Variants in AGBL4 observed in about 807,000 individuals in gnomAD.
AGBL4 encodes AGBL carboxypeptidase 4, also known as cytosolic carboxypeptidase 6.
AGBL4 carries 58 observed loss-of-function variants against 66.4 expected under a neutral mutation model. That is an observed-to-expected ratio of 0.87 (90% confidence interval 0.71 to 1.09). AGBL4 has a LOEUF of 1.09. Among genes scored for constraint, AGBL4 ranks in the 50% least tolerant of loss-of-function variants. The pLI is 0.00. For missense variants in AGBL4, 579 were observed against 631.0 expected (o/e 0.92, Z 0.88); for synonymous variants, 234 against 222.9 (o/e 1.05, Z -0.44).
chr1:48,702,249 G>T (rs986353682), intron 6 of AGBL4, among the ~76,000 whole-genome samples: 2 of 151,820 alleles, frequency 1.3e-5, no homozygotes, highest in Non-Finnish European at 2.9e-5. Context: ...CCCTCTCCCT[G>T]GCCCTATGTT....
At chr1:50,011,707 G>A (rs1661547184) in intron 1 of AGBL4, among the ~76,000 whole-genome samples, 1 of 152,170 alleles carries the variant, frequency 6.6e-6, no homozygotes, top group Admixed American at 6.6e-5. Flanking sequence ...AGCTAAAAAA[G>A]AATGAGATCC....
intron 4 of AGBL4, among the ~76,000 whole-genome samples, chr1:49,229,473 C>G (rs556784502): frequency 6.6e-6 from 1 of 152,220 alleles, no homozygotes; most frequent in Non-Finnish European, 1.5e-5. Flanking sequence ...AAAGAAACAA[C>G]TGGGAGCAAG....
intron 6 of AGBL4, among the ~76,000 whole-genome samples, chr1:48,749,511 G>T (rs892342238): frequency 6.6e-6 from 1 of 152,138 alleles, no homozygotes; most frequent in Admixed American, 6.5e-5. Context: ...TCAAACTCAG[G>T]GTTGTCAGAT....
chr1:49,621,313 T>C (rs890311484), intron 3 of AGBL4, among the ~76,000 whole-genome samples: 4 of 152,190 alleles, frequency 2.6e-5, no homozygotes, highest in Admixed American at 2.6e-4. Flanking sequence ...CTGTGTCCGG[T>C]TTCCATTGGC....
intron 1 of AGBL4, among the ~76,000 whole-genome samples, chr1:49,949,202 A>C (rs552870875): frequency 6.6e-6 from 1 of 151,950 alleles, no homozygotes; most frequent in East Asian, 1.9e-4. Flanking sequence ...CTCTCATCTT[A>C]TACAAAAATC....
chr1:49,267,315 T>C (rs759951712), intron 3 of AGBL4, among the ~76,000 whole-genome samples: 1 of 152,172 alleles, frequency 6.6e-6, no homozygotes, highest in Admixed American at 6.5e-5. Context: ...ACATCTTTTG[T>C]AACTGCAAAG....
chr1:49,926,570 C>G (rs989046918), intron 1 of AGBL4, among the ~76,000 whole-genome samples: 1 of 152,138 alleles, frequency 6.6e-6, no homozygotes, highest in Non-Finnish European at 1.5e-5. Flanking sequence ...CACTAGGAAC[C>G]AATCCCAGAG....
At chr1:49,535,358 ATAT>A (rs978950728) in intron 3 of AGBL4, among the ~76,000 whole-genome samples, 16 of 147,982 alleles carry the variant, frequency 1.1e-4, no homozygotes, top group Non-Finnish European at 4.5e-5. Flanking sequence ...ATAATATGTT[ATAT>A]TATTATATAT....
chr1:48,925,237 T>C (rs1299428733), intron 5 of AGBL4, among the ~76,000 whole-genome samples: 1 of 151,948 alleles, frequency 6.6e-6, no homozygotes, highest in Non-Finnish European at 1.5e-5. Context: ...GGACCTCCTG[T>C]GGATACAAAA....
intron 1 of AGBL4, 47 bp from the exon 2 acceptor site, chr1:49,851,565 A>G (rs759658741): frequency 3.3e-6 from 5 of 1,533,174 alleles, no homozygotes; most frequent in Non-Finnish European, 4.4e-6. Context: ...TCGGCAATTG[A>G]AGTCTAGTCA....
chr1:48,632,708 C>T (rs1182479246), intron 9 of AGBL4, among the ~76,000 whole-genome samples: 1 of 152,214 alleles, frequency 6.6e-6, no homozygotes, highest in Non-Finnish European at 1.5e-5. Flanking sequence ...TCCAATTCAA[C>T]TCAACATGCA....
intron 4 of AGBL4, among the ~76,000 whole-genome samples, chr1:49,097,322 G>A (rs978899527): frequency 6.6e-5 from 10 of 152,200 alleles, no homozygotes; most frequent in African/African-American, 2.2e-4. Context: ...GATAGTCTTA[G>A]TGGAAGGGGA....
chr1:48,786,052 G>A (rs1645400577), intron 6 of AGBL4, among the ~76,000 whole-genome samples: 1 of 151,740 alleles, frequency 6.6e-6, no homozygotes, highest in African/African-American at 2.4e-5. Flanking sequence ...ACCATTCTGA[G>A]TCAAAGGCAT....
At chr1:48,995,680 G>A (rs1004975539) in intron 5 of AGBL4, among the ~76,000 whole-genome samples, 15 of 152,208 alleles carry the variant, frequency 9.9e-5, no homozygotes, top group African/African-American at 3.4e-4. Context: ...TTTCCTATGG[G>A]AAGAGTGCCA....
rs1662649124 is a variant in AGBL4 at position 50,023,948 on chromosome 1, C to T, written c.-152G>A. On this transcript the variant is annotated 5_prime_UTR_variant, in exon 1 of 14. Transcript: ENST00000371839. Reference sequence around the variant, plus strand: ...GCGGCAGGCGCGCGGGTGGCCGGCGCGCGGCTGAGGGCGGGAGGGACGCCT... The same window carrying T: ...GCGGCAGGCGCGCGGGTGGCCGGCGTGCGGCTGAGGGCGGGAGGGACGCCT... 3.7e-6 allele frequency: 3 copies of T among 805,120 alleles called. No homozygotes were observed. The highest frequency in any genetic ancestry group is 7.0e-5 in the East Asian group (2 of 28,742). 49.9% of individuals were successfully genotyped at this position (805,120 alleles called of 1,614,324 possible).
chr1:49,741,795 A>G (rs1650506782), intron 2 of AGBL4, among the ~76,000 whole-genome samples: 1 of 152,228 alleles, frequency 6.6e-6, no homozygotes, highest in African/African-American at 2.4e-5. Context: ...ACCAAAGACA[A>G]AAACCATATG....
chr1:49,645,805 A>G (rs1645875884), intron 3 of AGBL4, among the ~76,000 whole-genome samples: 1 of 151,430 alleles, frequency 6.6e-6, no homozygotes, highest in South Asian at 2.1e-4. Flanking sequence ...AATCAAATCC[A>G]ATAATATATT....
intron 3 of AGBL4, among the ~76,000 whole-genome samples, chr1:49,566,354 C>T (rs1015574676): frequency 6.6e-6 from 1 of 152,140 alleles, no homozygotes; most frequent in Non-Finnish European, 1.5e-5. Flanking sequence ...GAGCTGTGTT[C>T]CTTTGGAGGA....
At chr1:48,566,652 G>A (rs1329384581) in intron 11 of AGBL4, among the ~76,000 whole-genome samples, 1 of 152,240 alleles carries the variant, frequency 6.6e-6, no homozygotes, top group East Asian at 1.9e-4. Context: ...GGACTTTGAG[G>A]CAAAGAGATT....
Sources: allele counts gnomAD v4.1 joint callset (sites outside exome capture counted in the v4.1 genomes callset), GRCh38; gene constraint gnomAD v4.1.1; transcripts MANE v1.5; gene names NCBI Gene and HGNC (gene_info 2026-07-23, HGNC 2026-07-21).